Variants in CDK17 observed in about 807,000 individuals in gnomAD.
The protein encoded by CDK17 is cyclin dependent kinase 17, also known as cyclin-dependent kinase 17.
Under a neutral mutation model 77.6 loss-of-function variants are expected in CDK17, and 24 were observed. The observed-to-expected ratio is 0.31, with a 90% confidence interval of 0.22 to 0.44. CDK17 has a LOEUF of 0.44. Among genes scored for constraint, CDK17 ranks in the 20% least tolerant of loss-of-function variants. The pLI is 1.00. For missense variants in CDK17, 429 were observed against 622.5 expected (o/e 0.69, Z 3.31); for synonymous variants, 203 against 210.4 (o/e 0.96, Z 0.30).
At chr12:96,291,150 G>C (rs978810492) in intron 10 of CDK17, among the ~76,000 whole-genome samples, 2 of 148,164 alleles carry the variant, frequency 1.3e-5, no homozygotes, top group Non-Finnish European at 3.0e-5. Flanking sequence ...GGAAGAAATA[G>C]AGACAGAATT....
At chr12:96,362,944 G>A (rs1953518479) in intron 1 of CDK17, among the ~76,000 whole-genome samples, 1 of 152,126 alleles carries the variant, frequency 6.6e-6, no homozygotes, top group South Asian at 2.1e-4. Flanking sequence ...TTCTAGATGT[G>A]TCTTCTCAGC....
At chr12:96,387,185 T>C (rs1953990086) in intron 1 of CDK17, 2 of 261,822 alleles carry the variant, frequency 7.6e-6, no homozygotes, top group African/African-American at 2.3e-5. Flanking sequence ...AAAAATCTCA[T>C]GAGCTTCATC....
intron 1 of CDK17, among the ~76,000 whole-genome samples, chr12:96,378,060 C>T (rs931911523): frequency 2.0e-5 from 3 of 152,092 alleles, no homozygotes; most frequent in African/African-American, 4.8e-5. Flanking sequence ...GTAAAGAGTT[C>T]CCTTAAACCA....
At chr12:96,382,318 AACAG>A (rs1229703789) in intron 1 of CDK17, among the ~76,000 whole-genome samples, 17 of 151,980 alleles carry the variant, frequency 1.1e-4, no homozygotes, top group Admixed American at 6.6e-4. Flanking sequence ...TGAAAACCTG[AACAG>A]ACAAATAACA....
intron 1 of CDK17, among the ~76,000 whole-genome samples, chr12:96,396,391 C>G (rs893660805): frequency 6.6e-6 from 1 of 152,178 alleles, no homozygotes; most frequent in Non-Finnish European, 1.5e-5. Flanking sequence ...GTCCTCTCCC[C>G]ATCAGTTCAA....
chr12:96,373,288 C>T (rs751248191), intron 1 of CDK17, among the ~76,000 whole-genome samples: 34 of 152,132 alleles, frequency 2.2e-4, no homozygotes, highest in Admixed American at 1.4e-3. Flanking sequence ...GTTTTCTCTT[C>T]AGAGAAGGCA....
At chr12:96,349,597 TAAAC>T (rs1953281098) in intron 1 of CDK17, among the ~76,000 whole-genome samples, 2 of 135,342 alleles carry the variant, frequency 1.5e-5, no homozygotes, top group Non-Finnish European at 3.2e-5. Flanking sequence ...AATCACTCAA[TAAAC>T]AAAAGAGAAA....
At chr12:96,367,251 G>A (rs1288394562) in intron 1 of CDK17, among the ~76,000 whole-genome samples, 2 of 150,376 alleles carry the variant, frequency 1.3e-5, no homozygotes, top group Non-Finnish European at 1.5e-5. Context: ...AGGCTGAGGC[G>A]GGAGAATCAC....
intron 1 of CDK17, among the ~76,000 whole-genome samples, chr12:96,349,198 A>G (rs887183279): frequency 3.9e-5 from 6 of 152,198 alleles, no homozygotes; most frequent in Non-Finnish European, 7.3e-5. Flanking sequence ...TCACGCCCAT[A>G]ATCTCAGAAC....
At chr12:96,358,471 C>T (rs887451066) in intron 1 of CDK17, among the ~76,000 whole-genome samples, 79 of 145,750 alleles carry the variant, frequency 5.4e-4, no homozygotes, top group African/African-American at 2.0e-3. Flanking sequence ...AAAATGTATA[C>T]ATATATTTAT....
chr12:96,398,231 C>G (rs1954203371), intron 1 of CDK17, among the ~76,000 whole-genome samples: 1 of 152,004 alleles, frequency 6.6e-6, no homozygotes, highest in Admixed American at 6.6e-5. Context: ...CCAATATTCT[C>G]TCTCATAACA....
At chr12:96,292,699 T>C (rs1952342178) in intron 10 of CDK17, among the ~76,000 whole-genome samples, 1 of 152,204 alleles carries the variant, frequency 6.6e-6, no homozygotes, top group Non-Finnish European at 1.5e-5. Flanking sequence ...AACTAAGTTC[T>C]CTAAGAGTAT....
chr12:96,354,188 T>C (rs1592748991), intron 1 of CDK17, among the ~76,000 whole-genome samples: 2 of 152,170 alleles, frequency 1.3e-5, no homozygotes, highest in African/African-American at 4.8e-5. Flanking sequence ...AAAAGTGAAG[T>C]GATCTGGCCA....
intron 5 of CDK17, among the ~76,000 whole-genome samples, chr12:96,300,795 A>C (rs1425650808): frequency 6.6e-6 from 1 of 152,248 alleles, no homozygotes; most frequent in Non-Finnish European, 1.5e-5. Flanking sequence ...GATTATAATC[A>C]AATGGTTGAA....
intron 11 of CDK17, among the ~76,000 whole-genome samples, chr12:96,288,701 G>A (rs937123641): frequency 1.3e-5 from 2 of 152,192 alleles, no homozygotes; most frequent in African/African-American, 4.8e-5. Context: ...GATCGAAGCG[G>A]TGTGTGAGAA....
intron 1 of CDK17, among the ~76,000 whole-genome samples, chr12:96,350,371 C>T (rs994673647): frequency 3.4e-5 from 5 of 148,890 alleles, no homozygotes; most frequent in African/African-American, 4.9e-5. Context: ...AGCAAGACAA[C>T]GACGATATCT....
intron 4 of CDK17, 72 bp from the exon 5 acceptor site, chr12:96,311,249 C>T (rs950252433): frequency 3.2e-6 from 4 of 1,239,898 alleles, no homozygotes; most frequent in African/African-American, 1.6e-5. Flanking sequence ...CAGGCTCTAA[C>T]ATATTATTTC....
chr12:96,365,989 G>A (rs977780590), intron 1 of CDK17, among the ~76,000 whole-genome samples: 1 of 152,200 alleles, frequency 6.6e-6, no homozygotes, highest in Non-Finnish European at 1.5e-5. Flanking sequence ...TGGTAGGCCT[G>A]TGAATCTCTC....
At chr12:96,289,054 TA>T in intron 11 of CDK17, 112 bp downstream of exon 11, 2 of 1,121,916 alleles carry the variant, frequency 1.8e-6, no homozygotes, top group Non-Finnish European at 2.6e-6. Context: ...ACTGTTACAT[TA>T]TGGCTCTTTA....
Sources: allele counts gnomAD v4.1 joint callset (sites outside exome capture counted in the v4.1 genomes callset), GRCh38; gene constraint gnomAD v4.1.1; transcripts MANE v1.5; gene names NCBI Gene and HGNC (gene_info 2026-07-23, HGNC 2026-07-21).